The following SF3B3 variants were observed in gnomAD, a reference collection of about 807,000 sequenced individuals.
The protein encoded by SF3B3 is SAP 130.
Under a neutral mutation model 139.2 loss-of-function variants are expected in SF3B3, and 33 were observed. That is an observed-to-expected ratio of 0.24 (90% confidence interval 0.18 to 0.32). SF3B3 has a LOEUF of 0.32. SF3B3 is among the 10% of genes least tolerant of loss of function. The pLI, the probability that SF3B3 is intolerant of heterozygous loss-of-function variation, is 1.00. For synonymous variants in SF3B3, 596 were observed against 563.6 expected (o/e 1.06, Z -0.81); for missense variants, 818 against 1,509.4 (o/e 0.54, Z 7.59).
intron 4 of SF3B3, 110 bp from the exon 5 acceptor site, chr16:70,532,369 A>AAAAAAAAAAATT: frequency 1.1e-6 from 1 of 880,804 alleles, no homozygotes; most frequent in Non-Finnish European, 1.7e-6. Context: ...AAAAAAAAAG[A>AAAAAAAAAAATT]AGACATTTGT....
At chr16:70,569,371 C>T (rs1417483184) in intron 23 of SF3B3, among the ~76,000 whole-genome samples, 8 of 152,198 alleles carry the variant, frequency 5.3e-5, no homozygotes, top group Admixed American at 1.3e-4. Context: ...CTGGGCTTTA[C>T]TTTCTCCTGT....
Position 70,549,792 on chromosome 16 carries a change from G to A in SF3B3, c.1402+1350G>A, listed in dbSNP as rs564481954. Among the ~76,000 whole-genome samples the A allele has an allele frequency of 6.4e-4, 98 of 152,198 alleles. 1 individual carries two copies. Among genetic ancestry groups the A allele is most frequent in the African/African-American group, 2.3e-3 (94 of 41,540 alleles). Reference sequence around the variant, plus strand: ...ATACAAAAATTAGCTGGGCGTGGTGGTGCAGGCCTGTAATCCCAGCTACTT... The same window carrying A: ...ATACAAAAATTAGCTGGGCGTGGTGATGCAGGCCTGTAATCCCAGCTACTT... On this transcript the variant is annotated intron_variant, in intron 11 of 25. Coordinates refer to ENST00000302516, the MANE Select transcript of SF3B3 (RefSeq NM_012426.5).
intron 3 of SF3B3, among the ~76,000 whole-genome samples, chr16:70,529,929 T>C (rs2050104175): frequency 6.6e-6 from 1 of 151,612 alleles, no homozygotes; most frequent in Admixed American, 6.6e-5. Context: ...GGTCAGGAGT[T>C]TGAGACCAGC....
At chr16:70,561,225 T>C (rs1394119642) in intron 16 of SF3B3, 1 of 159,066 alleles carries the variant, frequency 6.3e-6, no homozygotes, top group East Asian at 1.9e-4. Flanking sequence ...TTCACTATGT[T>C]GGCCAGGTTG....
chr16:70,536,135 G>C (rs546581085), intron 6 of SF3B3, among the ~76,000 whole-genome samples: 3 of 151,610 alleles, frequency 2.0e-5, no homozygotes, highest in African/African-American at 7.3e-5. Context: ...TTGGCCTTTA[G>C]TCTCCCTTAG....
At chr16:70,563,596 G>A (rs1372636180) in intron 17 of SF3B3, 6 of 332,168 alleles carry the variant, frequency 1.8e-5, no homozygotes, top group Non-Finnish European at 2.8e-5. Flanking sequence ...TATCATTGGA[G>A]TGATTAAAAA....
intron 11 of SF3B3, chr16:70,550,476 C>A (rs2151786765): frequency 6.3e-6 from 1 of 159,216 alleles, no homozygotes; most frequent in Non-Finnish European, 1.4e-5. Context: ...TGGGAGTCAC[C>A]TATAAATACA....
At chr16:70,566,642 C>G (rs1323723840) in intron 20 of SF3B3, among the ~76,000 whole-genome samples, 1 of 152,178 alleles carries the variant, frequency 6.6e-6, no homozygotes, top group Non-Finnish European at 1.5e-5. Context: ...AGAATATTCT[C>G]TTCTCCACAA....
intron 11 of SF3B3, among the ~76,000 whole-genome samples, chr16:70,552,292 A>G (rs2050334934): frequency 6.6e-6 from 1 of 152,204 alleles, no homozygotes; most frequent in Admixed American, 6.5e-5. Flanking sequence ...GGTTTCAGTA[A>G]TGAGAACATG....
At chr16:70,552,002 C>T (rs1290922209) in intron 11 of SF3B3, among the ~76,000 whole-genome samples, 1 of 152,170 alleles carries the variant, frequency 6.6e-6, no homozygotes, top group African/African-American at 2.4e-5. Context: ...GTCGTTGGCT[C>T]TCCCACTTGT....
At chr16:70,538,235 A>G (rs1375253425) in intron 6 of SF3B3, 88 bp from the exon 7 acceptor site, 9 of 1,246,870 alleles carry the variant, frequency 7.2e-6, no homozygotes, top group Non-Finnish European at 1.0e-5. Context: ...CTTTAATGTC[A>G]TTTGTAATCC....
chr16:70,571,591 C>T, intron 25 of SF3B3, 82 bp from the exon 26 acceptor site: 1 of 1,448,058 alleles, frequency 6.9e-7, no homozygotes, highest in South Asian at 1.3e-5. Context: ...AAACAGCTTT[C>T]CCTACAAGTG....
intron 9 of SF3B3, 93 bp downstream of exon 9, chr16:70,541,927 C>A: frequency 4.3e-6 from 5 of 1,150,752 alleles, no homozygotes; most frequent in South Asian, 1.7e-5. Context: ...TCCATGAACT[C>A]GCCAGTGTGT....
chr16:70,562,472 A>G (rs2050438155), intron 17 of SF3B3, among the ~76,000 whole-genome samples: 1 of 152,098 alleles, frequency 6.6e-6, no homozygotes, highest in African/African-American at 2.4e-5. Flanking sequence ...TTTCATGGTC[A>G]TTGTCCTTTT....
At chr16:70,561,979 C>T (rs531174418) in intron 17 of SF3B3, among the ~76,000 whole-genome samples, 195 bp downstream of exon 17, 11 of 152,218 alleles carry the variant, frequency 7.2e-5, no homozygotes, top group Non-Finnish European at 1.5e-4. Context: ...GGTGTTTTAG[C>T]TTCTGTTAAG....
Position 70,548,458 on chromosome 16 carries a change from C to T in SF3B3, c.1402+16C>T. ...CACATTGAAGGTAAGCAGCTTTTTC[C>T]CAATAGTCAAAATGAGGATCTAGGT... On this transcript the variant is annotated intron_variant, in intron 11 of 25. Coordinates refer to ENST00000302516, the MANE Select transcript of SF3B3 (RefSeq NM_012426.5). The T allele has an allele frequency of 6.2e-7, 1 of 1,611,064 alleles. No individual in the cohort carries two copies. The highest frequency in any genetic ancestry group is 8.5e-7 in the Non-Finnish European group (1 of 1,177,732).
chr16:70,544,053 G>A (rs1490246823), intron 9 of SF3B3, among the ~76,000 whole-genome samples: 1 of 152,108 alleles, frequency 6.6e-6, no homozygotes, highest in East Asian at 1.9e-4. Context: ...ATGAAAATAT[G>A]CATAGAATCA....
At position 70,571,195 on chromosome 16, in the gene SF3B3, T is replaced by C. The variant is rs1567427463; in HGVS notation, c.3509T>C (p.Val1170Ala). ...HLSFRSYYFP[V>A]KNVIDGDLCE... ...AGCTTTCGCTCCTACTACTTCCCTG[T>C]GAAGGTAGGTTGGGGGAATCTGAGC... The change falls in exon 25 of 26, where the codon GTG (valine) becomes GCG (alanine). Residue 1170 changes from valine (V) to alanine (A), a missense_variant. Physicochemically the swap from Val to Ala is moderately conservative, Grantham distance 64. Around this residue, in one of 14 missense-constraint regions of SF3B3, gnomAD observed 44 missense variants for 40.4 expected, o/e 1.09. Coordinates refer to ENST00000302516, the MANE Select transcript of SF3B3 (RefSeq NM_012426.5). The C allele has an allele frequency of 1.2e-6, 2 of 1,602,416 alleles. No individual in the cohort carries two copies. Among genetic ancestry groups the C allele is most frequent in the Non-Finnish European group, 1.7e-6 (2 of 1,169,464 alleles).
Position 70,538,312 on chromosome 16 carries a change from G to T in SF3B3, c.826-11G>T. 2 of 1,611,600 alleles carry T rather than the reference G, an allele frequency of 1.2e-6. No homozygotes were observed. Among genetic ancestry groups the T allele is most frequent in the South Asian group, 2.2e-5 (2 of 90,796 alleles). The stretch of plus-strand genomic sequence containing the variant: ...TTTCTAAGACATTGATTGTGTTTTT[G>T]ACTTTGCTAGAATGACCTGGATGAC... On this transcript the variant is annotated splice_polypyrimidine_tract_variant and intron_variant, in intron 6 of 25. Coordinates refer to ENST00000302516, the MANE Select transcript of SF3B3 (RefSeq NM_012426.5).
Sources: allele counts gnomAD v4.1 joint callset (sites outside exome capture counted in the v4.1 genomes callset), GRCh38; gene constraint gnomAD v4.1.1; regional missense constraint gnomAD v4.1.1; transcripts MANE v1.5; gene names NCBI Gene and HGNC (gene_info 2026-07-23, HGNC 2026-07-21).